Variants in SCRN3 observed in about 807,000 individuals in gnomAD.
SCRN3 encodes the protein secernin 3.
A neutral mutation model predicts 43.1 loss-of-function variants in SCRN3; 39 were observed. The ratio of observed to expected loss-of-function variants is 0.91; its 90% CI spans 0.70 to 1.18. SCRN3 has a LOEUF of 1.18. Ranked by LOEUF, SCRN3 falls within the 50% of genes most tolerant of loss-of-function variation. The pLI, the probability that SCRN3 is intolerant of heterozygous loss-of-function variation, is 0.00. For synonymous variants in SCRN3, 147 were observed against 163.1 expected, an observed-to-expected ratio of 0.90 and a Z score of 0.75; for missense variants, 484 against 498.0, an observed-to-expected ratio of 0.97 and a Z score of 0.27.
chr2:174,403,980 G>C, intron 4 of SCRN3, 123 bp from the exon 5 acceptor site: 2 of 657,492 alleles, frequency 3.0e-6, no homozygotes, highest in Non-Finnish European at 5.1e-6. Flanking sequence ...AGATGCCCAT[G>C]GCACAAAATT....
In SCRN3 at chr2:174,422,948, AG is replaced by A. The variant is rs1686343916; in HGVS notation, c.821del (p.Gly274GlufsTer4). On this transcript the variant is annotated frameshift_variant, in exon 6 of 8. Transcript: ENST00000272732. LOFTEE classifies it high-confidence loss of function. ...GATAAACCAAGTGGCATTAATATGG[AG>A]GGAGAATTCCTGACCACTGCAAGCA... ...LRDKPSGINMEGEFLTTASMV... is the reference protein window; with the variant it reads ...LRDKPSGINMXGEFLTTASMV... The A allele has an allele frequency of 6.2e-7, 1 of 1,612,160 alleles. No individual in the cohort carries two copies. The highest frequency in any genetic ancestry group is 1.3e-5 in the African/African-American group (1 of 74,898).
rs757014041 is a variant in SCRN3 at position 174,422,920 on chromosome 2, C to T, written c.790C>T (p.Arg264Ter). ...ITFETMMEIL[R>*]DKPSGINMEG... ...TTTTGAAACAATGATGGAAATTCTTCGAGATAAACCAAGTGGCATTAATAT... is the reference window on the plus strand; with the variant it reads ...TTTTGAAACAATGATGGAAATTCTTTGAGATAAACCAAGTGGCATTAATAT... The change falls in exon 6 of 8, where the codon CGA (arginine) becomes TGA (stop). Residue 264 changes from arginine (R) to a stop codon, truncating the protein, a stop_gained. Transcript: ENST00000272732. LOFTEE classifies it high-confidence loss of function. 1.3e-5 allele frequency: 21 copies of T among 1,609,700 alleles called. No homozygotes were observed. In the East Asian group the frequency reaches 2.7e-4, roughly 21 times the overall value.
At chr2:174,424,429 T>G in intron 6 of SCRN3, 46 bp from the exon 7 acceptor site, 1 of 1,328,914 alleles carries the variant, frequency 7.5e-7, no homozygotes. Context: ...ACACTGAATA[T>G]TTTTATATAT....
At chr2:174,411,886 A>T (rs1278373444) in intron 5 of SCRN3, among the ~76,000 whole-genome samples, 1 of 152,184 alleles carries the variant, frequency 6.6e-6, no homozygotes, top group African/African-American at 2.4e-5. Context: ...GCACCACTGC[A>T]CTCCAGCCTG....
At chr2:174,416,869 A>T (rs1005091680) in intron 5 of SCRN3, among the ~76,000 whole-genome samples, 1 of 152,200 alleles carries the variant, frequency 6.6e-6, no homozygotes, top group Non-Finnish European at 1.5e-5. Context: ...CAGCTATTTA[A>T]ATAAATCCAA....
intron 1 of SCRN3, chr2:174,396,874 A>G (rs1685338547): frequency 6.5e-6 from 1 of 154,460 alleles, no homozygotes. Context: ...AACAGCTTTC[A>G]TGTGAGTATC....
chr2:174,422,251 C>A (rs925308786), intron 5 of SCRN3, among the ~76,000 whole-genome samples: 10 of 152,004 alleles, frequency 6.6e-5, no homozygotes, highest in African/African-American at 2.4e-4. Context: ...CATAGCAAGA[C>A]CCCCATCTCT....
intron 4 of SCRN3, among the ~76,000 whole-genome samples, chr2:174,402,621 C>G (rs976440942): frequency 6.6e-6 from 1 of 151,812 alleles, no homozygotes; most frequent in Non-Finnish European, 1.5e-5. Flanking sequence ...CCCAGGAGGT[C>G]GAGGCTGCAG....
chr2:174,397,190 TTTTC>T (rs1451133714), intron 1 of SCRN3: 2 of 976,446 alleles, frequency 2.0e-6, no homozygotes, highest in African/African-American at 3.5e-5. Context: ...TATTTAGTCA[TTTTC>T]TTTTCTTTTT....
chr2:174,396,206 C>T, intron 1 of SCRN3: 1 of 848,920 alleles, frequency 1.2e-6, no homozygotes, highest in Non-Finnish European at 1.5e-6. Context: ...AACGGAGGCC[C>T]TGTCTATTTT....
intron 5 of SCRN3, among the ~76,000 whole-genome samples, chr2:174,416,767 G>A (rs1428689691): frequency 6.6e-6 from 1 of 152,176 alleles, no homozygotes; most frequent in Admixed American, 6.6e-5. Flanking sequence ...CACAGGAAGT[G>A]GCAAAGGATC....
intron 5 of SCRN3, among the ~76,000 whole-genome samples, chr2:174,419,373 CTA>C (rs1257358435): frequency 6.6e-6 from 1 of 152,032 alleles, no homozygotes; most frequent in Non-Finnish European, 1.5e-5. Context: ...TTGGCAGAAA[CTA>C]TGTTTTGTGA....
At chr2:174,427,047 G>T (rs1226372993) in intron 7 of SCRN3, among the ~76,000 whole-genome samples, 1 of 151,930 alleles carries the variant, frequency 6.6e-6, no homozygotes, top group Admixed American at 6.6e-5. Flanking sequence ...TGGCAGGCTG[G>T]TCTCGAACTC....
intron 1 of SCRN3, among the ~76,000 whole-genome samples, chr2:174,396,519 G>A (rs1012876747): frequency 2.0e-5 from 3 of 152,158 alleles, no homozygotes; most frequent in Non-Finnish European, 2.9e-5. Context: ...AACCTTGGCC[G>A]GGCGCGGTAG....
In SCRN3 at chr2:174,397,249, C is replaced by T. The variant is rs190502460; in HGVS notation, c.-9-1026C>T. On this transcript the variant is annotated intron_variant, in intron 1 of 7. Coordinates refer to ENST00000272732, the MANE Select transcript of SCRN3 (RefSeq NM_024583.5). Reference sequence around the variant, plus strand: ...TTAAATTTTGTTTTTAAGTTGCTAGCATCTGCCTGTGTAAAGCCATTTTAA... The same window carrying T: ...TTAAATTTTGTTTTTAAGTTGCTAGTATCTGCCTGTGTAAAGCCATTTTAA... The T allele has an allele frequency of 1.9e-4, 185 of 978,774 alleles. No individual in the cohort carries two copies. The African/African-American group carries it at 3.0e-3, about 16-fold the overall frequency. 60.6% of individuals were successfully genotyped at this position (978,774 alleles called of 1,614,324 possible).
chr2:174,422,977 G>T lies in SCRN3; in HGVS notation c.847G>T (p.Val283Phe). ...EGEFLTTASM[V>F]SILPQDSSLP... ...AGAATTCCTGACCACTGCAAGCATGGTTTCTATTTTACCTCAAGACTCCAG... is the reference window on the plus strand; with the variant it reads ...AGAATTCCTGACCACTGCAAGCATGTTTTCTATTTTACCTCAAGACTCCAG... The change falls in exon 6 of 8, where the codon GTT (valine) becomes TTT (phenylalanine). Residue 283 changes from valine to phenylalanine, a missense_variant. Transcript: ENST00000272732. 1 of 1,613,812 alleles carries T rather than the reference G, an allele frequency of 6.2e-7. No individual in the cohort carries two copies. The highest frequency in any genetic ancestry group is 8.5e-7 in the Non-Finnish European group (1 of 1,179,756).
At chr2:174,412,350 A>AT (rs1559078295) in intron 5 of SCRN3, among the ~76,000 whole-genome samples, 4 of 145,972 alleles carry the variant, frequency 2.7e-5, no homozygotes, top group African/African-American at 9.8e-5. Context: ...ATCTCCTGGG[A>AT]ATTTTTTTTT....
At chr2:174,400,647 T>C (rs144388961) in intron 3 of SCRN3, among the ~76,000 whole-genome samples, 15 of 152,298 alleles carry the variant, frequency 9.8e-5, no homozygotes, top group South Asian at 2.1e-4. Flanking sequence ...TTATAATTCA[T>C]TGGAAGTACC....
chr2:174,397,110 C>T (rs909253751), intron 1 of SCRN3: 2 of 981,706 alleles, frequency 2.0e-6, no homozygotes, highest in African/African-American at 1.8e-5. Context: ...TAACAGAAGC[C>T]ATCAAGACAT....
Sources: allele counts gnomAD v4.1 joint callset (sites outside exome capture counted in the v4.1 genomes callset), GRCh38; gene constraint gnomAD v4.1.1; transcripts MANE v1.5; gene names NCBI Gene and HGNC (gene_info 2026-07-23, HGNC 2026-07-21).